Variants in PTGIS observed in about 807,000 individuals in gnomAD.
The protein encoded by PTGIS is prostacyclin synthase.
In PTGIS, 45 loss-of-function variants were observed where a neutral mutation model predicts 50.3. That is an observed-to-expected ratio of 0.90 (90% CI 0.70 to 1.15). PTGIS has a LOEUF of 1.15. Ranked by LOEUF, PTGIS falls within the 50% of genes most tolerant of loss-of-function variation. PTGIS has a pLI of 0.00. For synonymous variants in PTGIS, 260 were observed against 267.7 expected (o/e 0.97, Z 0.28); for missense variants, 668 against 661.3 (o/e 1.01, Z -0.11).
chr20:49,520,010 C>T (rs1390231368), intron 6 of PTGIS, among the ~76,000 whole-genome samples: 4 of 151,710 alleles, frequency 2.6e-5, no homozygotes, highest in African/African-American at 7.3e-5. Flanking sequence ...AATGATCCCT[C>T]TAAAGCGAAA....
At chr20:49,548,257 T>A (rs1982415960) in intron 2 of PTGIS, among the ~76,000 whole-genome samples, 1 of 152,210 alleles carries the variant, frequency 6.6e-6, no homozygotes, top group African/African-American at 2.4e-5. Flanking sequence ...ATCTCATAGC[T>A]GAGAAGTGGC....
At position 49,561,010 on chromosome 20, in the gene PTGIS, C is replaced by A. The variant is rs563977313; in HGVS notation, c.74+7033G>T. Among the ~76,000 whole-genome samples, 17 of 152,282 alleles carry A rather than the reference C, an allele frequency of 1.1e-4. No homozygotes were observed. In the South Asian group the frequency reaches 2.5e-3, roughly 22 times the overall value. On this transcript the variant is annotated intron_variant, in intron 1 of 9. Coordinates refer to ENST00000244043, the MANE Select transcript of PTGIS (RefSeq NM_000961.4). ...TGTCAGGGAACTACCGTGACCCCCC[C>A]AGGAGAGCAATGTGGTGGAAGCAAT... is the stretch of plus-strand genomic sequence containing the variant.
intron 6 of PTGIS, among the ~76,000 whole-genome samples, chr20:49,521,862 C>T (rs1318169129): frequency 6.6e-6 from 1 of 152,152 alleles, no homozygotes; most frequent in Non-Finnish European, 1.5e-5. Context: ...ATCTTTCTCT[C>T]ACTCCAATAT....
intron 1 of PTGIS, among the ~76,000 whole-genome samples, chr20:49,560,112 A>AC (rs1982729497): frequency 2.0e-5 from 3 of 151,434 alleles, no homozygotes; most frequent in Non-Finnish European, 2.9e-5. Flanking sequence ...TTTAGTAGAG[A>AC]TGGGTTTCAC....
chr20:49,519,887 C>T (rs1193983288), intron 6 of PTGIS, among the ~76,000 whole-genome samples: 4 of 152,130 alleles, frequency 2.6e-5, no homozygotes, highest in African/African-American at 9.7e-5. Flanking sequence ...AATCTAACCA[C>T]CCCTGACCCT....
intron 2 of PTGIS, among the ~76,000 whole-genome samples, chr20:49,549,794 C>A (rs1982458004): frequency 1.3e-5 from 2 of 152,062 alleles, no homozygotes; most frequent in Admixed American, 1.3e-4. Context: ...AGGTCAGCTG[C>A]ATGGATATAC....
rs376815025 is a variant in PTGIS at position 49,551,758 on chromosome 20, ATGTGTGTGTGTATGCGTGTGTATG to A, written c.75-1593_75-1570del. ...AGTGTTTATGTATGTGTGTGTGTTT[ATGTGTGTGTGTATGCGTGTGTATG>A]TGTGTGTATGCATGTGTATGTGTTT... is the stretch of plus-strand genomic sequence containing the variant. On this transcript the variant is annotated intron_variant, in intron 1 of 9. Transcript: ENST00000244043. 1.3e-3 allele frequency among the ~76,000 whole-genome samples: 195 copies of A among 144,780 alleles called. 7 individuals carry two copies. Among genetic ancestry groups the A allele is most frequent in the African/African-American group, 4.7e-3 (187 of 39,974 alleles). 95.0% of individuals were successfully genotyped at this position (144,780 alleles called of 152,430 possible).
chr20:49,532,069 A>G (rs1981949079), intron 5 of PTGIS, among the ~76,000 whole-genome samples: 1 of 152,216 alleles, frequency 6.6e-6, no homozygotes, highest in Non-Finnish European at 1.5e-5. Context: ...TAGGGGAGAC[A>G]CTGGATTCCA....
At chr20:49,558,108 G>T (rs1386279595) in intron 1 of PTGIS, among the ~76,000 whole-genome samples, 4 of 152,186 alleles carry the variant, frequency 2.6e-5, no homozygotes, top group South Asian at 4.1e-4. Context: ...GGAAAATAAG[G>T]CTGGGCATGG....
chr20:49,539,502 T>C (rs1385103548), intron 5 of PTGIS, 68 bp downstream of exon 5: 45 of 1,549,048 alleles, frequency 2.9e-5, no homozygotes, highest in Non-Finnish European at 3.7e-5. Context: ...TCCTCTACCT[T>C]GAATTGGGCT....
chr20:49,527,942 C>G (rs192879689), intron 5 of PTGIS, among the ~76,000 whole-genome samples: 26 of 152,092 alleles, frequency 1.7e-4, no homozygotes, highest in African/African-American at 5.8e-4. Flanking sequence ...TTGAAGCCAG[C>G]CTGACCAACA....
At chr20:49,552,255 CA>C (rs1402338617) in intron 1 of PTGIS, among the ~76,000 whole-genome samples, 1 of 152,012 alleles carries the variant, frequency 6.6e-6, no homozygotes, top group African/African-American at 2.4e-5. Flanking sequence ...GCTTTTGTAA[CA>C]AAGTGCACTG....
intron 5 of PTGIS, among the ~76,000 whole-genome samples, chr20:49,538,794 G>A (rs1274650963): frequency 1.3e-5 from 2 of 151,860 alleles, no homozygotes; most frequent in Admixed American, 6.6e-5. Context: ...AAGCTATTCT[G>A]CCTCAGCTTC....
chr20:49,521,925 A>G (rs1330440780), intron 6 of PTGIS, among the ~76,000 whole-genome samples: 1 of 151,752 alleles, frequency 6.6e-6, no homozygotes, highest in Non-Finnish European at 1.5e-5. Flanking sequence ...TCCAAAATCT[A>G]TCCACGTCCT....
chr20:49,539,608 C>T lies in PTGIS; in HGVS notation c.635G>A (p.Arg212Gln), dbSNP rs370989795. The T allele has an allele frequency of 4.3e-5, 69 of 1,613,846 alleles. No homozygotes were observed. The highest frequency in any genetic ancestry group is 2.0e-4 in the Admixed American group (12 of 59,988). Reference protein sequence around the residue: ...DVFHTFRQLDRLLPKLARGSL... With the variant: ...DVFHTFRQLDQLLPKLARGSL... The stretch of plus-strand genomic sequence containing the variant: ...GCCACGGGCCAGTTTGGGGAGCAGC[C>T]GGTCGAGCTGGCGAAAGGTGTGGAA... Residue 212 changes from arginine to glutamine, a missense_variant, in exon 5 of 10, where the codon CGG becomes CAG. Coordinates refer to ENST00000244043, the MANE Select transcript of PTGIS (RefSeq NM_000961.4).
At chr20:49,523,038 T>A (rs1287869763) in intron 6 of PTGIS, among the ~76,000 whole-genome samples, 1 of 151,648 alleles carries the variant, frequency 6.6e-6, no homozygotes, top group African/African-American at 2.4e-5. Flanking sequence ...AATAAAAAAA[T>A]TAAAAGAAAA....
chr20:49,552,670 T>C (rs1191872351), intron 1 of PTGIS, among the ~76,000 whole-genome samples: 1 of 152,200 alleles, frequency 6.6e-6, no homozygotes, highest in Admixed American at 6.5e-5. Context: ...AAGTCTAAGA[T>C]AGTTGTCCTT....
intron 1 of PTGIS, among the ~76,000 whole-genome samples, chr20:49,565,393 G>C (rs568935793): frequency 1.3e-5 from 2 of 152,172 alleles, no homozygotes; most frequent in Non-Finnish European, 2.9e-5. Context: ...GCAAAGCCAG[G>C]CGTGGTGGTT....
At chr20:49,521,986 T>C (rs1981663634) in intron 6 of PTGIS, among the ~76,000 whole-genome samples, 1 of 152,078 alleles carries the variant, frequency 6.6e-6, no homozygotes, top group Non-Finnish European at 1.5e-5. Context: ...TTCCTCCTTG[T>C]TGCCCTGTTT....
Sources: gnomAD v4.1 joint callset for allele counts (sites outside exome capture counted in the v4.1 genomes callset) on GRCh38, gnomAD v4.1.1 for gene constraint, MANE v1.5 for transcripts, NCBI Gene and HGNC (gene_info 2026-07-23, HGNC 2026-07-21) for gene names.